Variants in PHACTR3 observed in about 807,000 individuals in gnomAD.
The protein encoded by PHACTR3 is phosphatase and actin regulator 3.
A neutral mutation model predicts 66.8 loss-of-function variants in PHACTR3; 16 were observed. That is an observed-to-expected ratio of 0.24 (90% CI 0.16 to 0.36). The LOEUF is 0.36. PHACTR3 is among the 10% of genes least tolerant of loss of function. The probability of loss-of-function intolerance (pLI) is 1.00; values close to 1 mark genes in which losing one functional copy is unlikely to be tolerated. For synonymous variants in PHACTR3, 323 were observed against 292.1 expected, an observed-to-expected ratio of 1.11 and a Z score of -1.08; for missense variants, 647 against 719.9, an observed-to-expected ratio of 0.90 and a Z score of 1.16.
intron 1 of PHACTR3, among the ~76,000 whole-genome samples, chr20:59,652,660 C>T (rs2035494390): frequency 6.6e-6 from 1 of 152,076 alleles, no homozygotes; most frequent in South Asian, 2.1e-4. Flanking sequence ...TCTTTATTGA[C>T]ATTATCTGTC....
chr20:59,671,543 GT>G (rs2036196986), intron 1 of PHACTR3, among the ~76,000 whole-genome samples: 1 of 152,200 alleles, frequency 6.6e-6, no homozygotes, highest in African/African-American at 2.4e-5. Context: ...GTGTTTGTGT[GT>G]TTCATTGAAC....
At chr20:59,770,658 C>G (rs1157845082) in intron 5 of PHACTR3, among the ~76,000 whole-genome samples, 1 of 152,196 alleles carries the variant, frequency 6.6e-6, no homozygotes, top group East Asian at 1.9e-4. Flanking sequence ...CTTGAAAAGT[C>G]TTCATCTCTG....
intron 5 of PHACTR3, 128 bp from the exon 6 acceptor site, chr20:59,773,151 G>T: frequency 2.0e-6 from 2 of 1,014,974 alleles, no homozygotes; most frequent in East Asian, 4.8e-5. Context: ...CAGCATCTTG[G>T]CATTAGTTGG....
At chr20:59,613,652 A>G (rs1437334777) in intron 1 of PHACTR3, among the ~76,000 whole-genome samples, 2 of 152,362 alleles carry the variant, frequency 1.3e-5, no homozygotes, top group Admixed American at 1.3e-4. Flanking sequence ...AGTCTCTGCC[A>G]TATCAACTTT....
intron 1 of PHACTR3, 23 bp downstream of exon 1, chr20:59,605,155 C>CGGGGGGGGGGGGGG: frequency 8.5e-6 from 2 of 234,710 alleles, no homozygotes; most frequent in Non-Finnish European, 1.6e-5. Context: ...GCGGGGGCGG[C>CGGGGGGGGGGGGGG]GGGCGGGTCG....
At chr20:59,631,368 C>A (rs2034656583) in intron 1 of PHACTR3, among the ~76,000 whole-genome samples, 1 of 152,194 alleles carries the variant, frequency 6.6e-6, no homozygotes, top group Non-Finnish European at 1.5e-5. Flanking sequence ...AGATGCCCCG[C>A]TCTTCTGTCC....
At chr20:59,701,273 T>A (rs563995067) in intron 1 of PHACTR3, among the ~76,000 whole-genome samples, 2 of 152,342 alleles carry the variant, frequency 1.3e-5, no homozygotes, top group South Asian at 4.1e-4. Flanking sequence ...ACAGTATCCT[T>A]GTGAGGCTGA....
At chr20:59,840,460 T>C (rs1334168138) in intron 10 of PHACTR3, 30 bp downstream of exon 10, 2 of 1,611,062 alleles carry the variant, frequency 1.2e-6, no homozygotes, top group African/African-American at 1.3e-5. Context: ...GCCTGAATAA[T>C]AAAAGGTGGT....
At chr20:59,630,891 C>T (rs1005032260) in intron 1 of PHACTR3, among the ~76,000 whole-genome samples, 7 of 151,424 alleles carry the variant, frequency 4.6e-5, no homozygotes, top group South Asian at 2.1e-4. Context: ...CTAGGGGATT[C>T]GAGGAGGAAA....
chr20:59,633,987 T>C, intron 1 of PHACTR3, among the ~76,000 whole-genome samples: 1 of 152,230 alleles, frequency 6.6e-6, no homozygotes, highest in East Asian at 1.9e-4. Context: ...CTCAACTGTA[T>C]AACATTACTG....
intron 1 of PHACTR3, among the ~76,000 whole-genome samples, chr20:59,585,418 G>A (rs745820133): frequency 1.3e-5 from 2 of 151,954 alleles, no homozygotes; most frequent in Non-Finnish European, 2.9e-5. Flanking sequence ...TTCTTTGCTG[G>A]GTGTGCTTTG....
rs539664432 is a variant in PHACTR3 at position 59,749,882 on chromosome 20, G to A, written c.358+2047G>A. ...ATGTCAAATCCAGGTGGGGGAGCTG[G>A]ATTGGTCCCCACATTGTGGTTTGCT... On this transcript the variant is annotated intron_variant, in intron 3 of 12. Coordinates refer to ENST00000371015, the MANE Select transcript of PHACTR3 (RefSeq NM_080672.5). 3.9e-5 allele frequency among the ~76,000 whole-genome samples: 6 copies of A among 152,150 alleles called. No individual in the cohort carries two copies. The South Asian group carries it at 8.3e-4, about 21-fold the overall frequency.
At chr20:59,586,103 A>G (rs1355623257) in intron 1 of PHACTR3, among the ~76,000 whole-genome samples, 2 of 152,146 alleles carry the variant, frequency 1.3e-5, no homozygotes, top group Admixed American at 6.5e-5. Context: ...TGCCCTTGGT[A>G]GCCCTTCTCC....
At chr20:59,831,227 A>G (rs984158975) in intron 8 of PHACTR3, among the ~76,000 whole-genome samples, 1 of 152,138 alleles carries the variant, frequency 6.6e-6, no homozygotes, top group African/African-American at 2.4e-5. Flanking sequence ...ATCCTTTTCC[A>G]GGGTGTGTTG....
intron 5 of PHACTR3, among the ~76,000 whole-genome samples, chr20:59,769,353 G>A (rs2040289322): frequency 6.6e-6 from 1 of 152,222 alleles, no homozygotes; most frequent in Non-Finnish European, 1.5e-5. Flanking sequence ...GCTGGATTCG[G>A]TTAGGCCCTG....
At chr20:59,795,593 C>G (rs879636016) in intron 7 of PHACTR3, among the ~76,000 whole-genome samples, 14 of 152,134 alleles carry the variant, frequency 9.2e-5, no homozygotes, top group Non-Finnish European at 2.1e-4. Flanking sequence ...ATATCACCTG[C>G]TATTATTGTG....
At chr20:59,778,359 G>A (rs895241115) in intron 7 of PHACTR3, among the ~76,000 whole-genome samples, 4 of 152,148 alleles carry the variant, frequency 2.6e-5, no homozygotes, top group South Asian at 2.1e-4. Flanking sequence ...CTCCCGGCTC[G>A]CCTCTCCCTT....
chr20:59,710,457 C>T (rs1175024177), intron 1 of PHACTR3, among the ~76,000 whole-genome samples: 1 of 152,178 alleles, frequency 6.6e-6, no homozygotes, highest in East Asian at 1.9e-4. Context: ...AAAGCATCAT[C>T]GTAACCAGCA....
intron 1 of PHACTR3, among the ~76,000 whole-genome samples, chr20:59,585,558 G>T (rs2033000239): frequency 6.6e-6 from 1 of 152,208 alleles, no homozygotes; most frequent in Non-Finnish European, 1.5e-5. Flanking sequence ...TCACTCTCTT[G>T]TTAATGATCC....
Sources: gnomAD v4.1 joint callset for allele counts (sites outside exome capture counted in the v4.1 genomes callset) on GRCh38, gnomAD v4.1.1 for gene constraint, MANE v1.5 for transcripts, NCBI Gene and HGNC (gene_info 2026-07-23, HGNC 2026-07-21) for gene names.